The following LNX2 variants were observed in gnomAD, a reference collection of about 807,000 sequenced individuals.
LNX2 encodes ligand of Numb protein X 2.
A neutral mutation model predicts 66.2 loss-of-function variants in LNX2; 35 were observed. That is an observed-to-expected ratio of 0.53 (90% confidence interval 0.40 to 0.70). LNX2 has a LOEUF of 0.70. LNX2 is among the 30% of genes least tolerant of loss of function. The pLI is 0.00. For synonymous variants in LNX2, 337 were observed against 315.6 expected (o/e 1.07, Z -0.72); for missense variants, 791 against 850.8 (o/e 0.93, Z 0.87).
chr13:27,566,940 C>A (rs1566118935), intron 4 of LNX2, among the ~76,000 whole-genome samples: 1 of 152,146 alleles, frequency 6.6e-6, no homozygotes, highest in African/African-American at 2.4e-5. Flanking sequence ...GAACTCTTAC[C>A]ATCCTCCTCC....
intron 2 of LNX2, among the ~76,000 whole-genome samples, chr13:27,578,485 A>C (rs534164326): frequency 1.3e-5 from 2 of 152,218 alleles, no homozygotes; most frequent in Admixed American, 1.3e-4. Flanking sequence ...CATGGCTGCA[A>C]ATTTTTTTGA....
chr13:27,556,433 A>C lies in LNX2; in HGVS notation c.1369-20T>G. 6.2e-7 allele frequency: 1 copy of C among 1,602,972 alleles called. No individual in the cohort carries two copies. Among genetic ancestry groups the C allele is most frequent in the Non-Finnish European group, 8.5e-7 (1 of 1,171,446 alleles). ...AAGATCCTAAAACATACAAGAAAAA[A>C]ATCATTGGATAATGAATAAAATATA... On this transcript the variant is annotated intron_variant, in intron 6 of 9. Coordinates refer to ENST00000316334, the MANE Select transcript of LNX2 (RefSeq NM_153371.4).
intron 4 of LNX2, among the ~76,000 whole-genome samples, chr13:27,563,024 T>C (rs1955157680): frequency 6.6e-6 from 1 of 151,542 alleles, no homozygotes; most frequent in Admixed American, 6.5e-5. Context: ...CGGGCTTTAA[T>C]GACGGTCTTG....
rs768422499 is a variant in LNX2 at position 27,569,087 on chromosome 13, T to C, written c.597A>G (p.Thr199=). ...TGTCAAGGCCAGGCTCCTCACTCCA[T>C]GTGGAAAGAGACGCTGATGTCAAGT... ...ERHLTSASLS[T]WSEEPGLDNP... Residue 199 remains threonine, a synonymous_variant, in exon 3 of 10, where the codon ACA becomes ACG. Coordinates refer to ENST00000316334, the MANE Select transcript of LNX2 (RefSeq NM_153371.4). 3 of 1,613,684 alleles carry C rather than the reference T, an allele frequency of 1.9e-6. No homozygotes were observed. The highest frequency in any genetic ancestry group is 2.7e-5 in the African/African-American group (2 of 74,876).
intron 1 of LNX2, among the ~76,000 whole-genome samples, chr13:27,588,341 A>C (rs529682264): frequency 3.3e-5 from 5 of 152,220 alleles, no homozygotes; most frequent in Non-Finnish European, 7.3e-5. Flanking sequence ...CTCAGCGATA[A>C]AAAGGAATGA....
chr13:27,588,008 G>A (rs965292913), intron 1 of LNX2, among the ~76,000 whole-genome samples: 3 of 130,374 alleles, frequency 2.3e-5, no homozygotes, highest in Non-Finnish European at 4.9e-5. Flanking sequence ...GCAAGAGTGC[G>A]AGACTCTTGT....
chr13:27,603,322 G>T (rs1350772039), intron 1 of LNX2, among the ~76,000 whole-genome samples: 1 of 151,962 alleles, frequency 6.6e-6, no homozygotes, highest in Non-Finnish European at 1.5e-5. Context: ...CTCCATCTTG[G>T]AACTACGTCC....
intron 1 of LNX2, among the ~76,000 whole-genome samples, chr13:27,618,968 G>T (rs1206445972): frequency 6.6e-6 from 1 of 152,234 alleles, no homozygotes; most frequent in Non-Finnish European, 1.5e-5. Flanking sequence ...TGGGATAAAG[G>T]CATGGATCAG....
chr13:27,616,843 G>A (rs528989755), intron 1 of LNX2, among the ~76,000 whole-genome samples: 5 of 152,280 alleles, frequency 3.3e-5, no homozygotes, highest in East Asian at 1.9e-4. Context: ...TCTAGCTCCC[G>A]GGTTCAAGCG....
At chr13:27,557,885 C>G (rs1237197606) in intron 6 of LNX2, among the ~76,000 whole-genome samples, 1 of 152,034 alleles carries the variant, frequency 6.6e-6, no homozygotes, top group South Asian at 2.1e-4. Flanking sequence ...TAGACAAACA[C>G]AACTTTATTC....
chr13:27,572,230 A>G (rs1303129820), intron 2 of LNX2, among the ~76,000 whole-genome samples: 1 of 152,194 alleles, frequency 6.6e-6, no homozygotes, highest in Non-Finnish European at 1.5e-5. Context: ...ATAAAAACCT[A>G]TCCATCTTTG....
intron 1 of LNX2, among the ~76,000 whole-genome samples, chr13:27,583,219 TGTGTGTGTGTGTGTGTGTG>T (rs1955429730): frequency 9.5e-5 from 2 of 21,096 alleles, no homozygotes; most frequent in African/African-American, 4.5e-4. Flanking sequence ...TGTGTGTGTG[TGTGTGTGTGTGTGTGTGTG>T]TGTGTGTGTG....
chr13:27,561,361 TTCC>T (rs1170835047), intron 5 of LNX2, among the ~76,000 whole-genome samples: 20 of 152,312 alleles, frequency 1.3e-4, no homozygotes, highest in African/African-American at 4.3e-4. Context: ...AGCTTTCTTC[TTCC>T]TCCTCCTCTT....
intron 1 of LNX2, among the ~76,000 whole-genome samples, chr13:27,586,837 G>A (rs970066421): frequency 3.9e-5 from 6 of 152,136 alleles, no homozygotes; most frequent in African/African-American, 1.2e-4. Flanking sequence ...TAGCTTGGGC[G>A]GGATTATTAC....
chr13:27,618,124 A>C (rs942283833), intron 1 of LNX2, among the ~76,000 whole-genome samples: 10 of 152,206 alleles, frequency 6.6e-5, no homozygotes, highest in African/African-American at 2.4e-4. Context: ...TACCCAGTAC[A>C]TGTCAATCAA....
intron 1 of LNX2, among the ~76,000 whole-genome samples, chr13:27,585,120 C>T (rs899391018): frequency 3.0e-5 from 4 of 134,942 alleles, no homozygotes; most frequent in African/African-American, 1.1e-4. Context: ...GACTCGGTCT[C>T]AGAAAAAGAA....
At chr13:27,569,527 T>C (rs1039631293) in intron 2 of LNX2, among the ~76,000 whole-genome samples, 10 of 152,148 alleles carry the variant, frequency 6.6e-5, no homozygotes, top group Admixed American at 2.0e-4. Context: ...CAGTAAAAAA[T>C]TGTATGCAGG....
chr13:27,596,414 T>C, intron 1 of LNX2, among the ~76,000 whole-genome samples: 1 of 152,194 alleles, frequency 6.6e-6, no homozygotes, highest in East Asian at 1.9e-4. Context: ...CATCATTTAT[T>C]ATAAACCGTG....
At chr13:27,552,860 A>G (rs1174626230) in intron 8 of LNX2, among the ~76,000 whole-genome samples, 3 of 152,240 alleles carry the variant, frequency 2.0e-5, no homozygotes, top group East Asian at 3.9e-4. Context: ...AAGCCCCAAG[A>G]TTGGCCTGGG....
Sources: gnomAD v4.1 joint callset for allele counts (sites outside exome capture counted in the v4.1 genomes callset) on GRCh38, gnomAD v4.1.1 for gene constraint, MANE v1.5 for transcripts, NCBI Gene and HGNC (gene_info 2026-07-23, HGNC 2026-07-21) for gene names.